Variants in GTF2A1L observed in about 807,000 individuals in gnomAD.
GTF2A1L encodes general transcription factor IIA subunit 1 like.
A neutral mutation model predicts 49.7 loss-of-function variants in GTF2A1L; 48 were observed. The ratio of observed to expected loss-of-function variants is 0.97; its 90% confidence interval spans 0.77 to 1.23. The LOEUF (loss-of-function observed/expected upper bound fraction) is 1.23. Among genes scored for constraint, GTF2A1L ranks in the 50% most tolerant of loss-of-function variants. The probability of loss-of-function intolerance (pLI) is 0.00; values close to 1 mark genes in which losing one functional copy is unlikely to be tolerated. For missense variants in GTF2A1L, 736 were observed against 564.8 expected (o/e 1.30, Z -3.07); for synonymous variants, 246 against 193.5 (o/e 1.27, Z -2.25).
At chr2:48,647,376 T>G (rs914347706) in intron 6 of GTF2A1L, among the ~76,000 whole-genome samples, 1 of 152,126 alleles carries the variant, frequency 6.6e-6, no homozygotes, top group African/African-American at 2.4e-5. Context: ...CATTTCTAAA[T>G]TTTTCATTTC....
chr2:48,656,040 T>G (rs1678150238), intron 6 of GTF2A1L, among the ~76,000 whole-genome samples: 1 of 152,194 alleles, frequency 6.6e-6, no homozygotes, highest in Admixed American at 6.5e-5. Context: ...GAATAATATC[T>G]CATTGTATGT....
intron 6 of GTF2A1L, among the ~76,000 whole-genome samples, chr2:48,661,837 T>C (rs1678518368): frequency 1.3e-5 from 2 of 152,186 alleles, no homozygotes; most frequent in South Asian, 2.1e-4. Context: ...TTGGATCTTG[T>C]TTTTTATCCA....
At position 48,669,729 on chromosome 2, in the gene GTF2A1L, A is replaced by T. The variant is rs1679060634; in HGVS notation, c.986A>T (p.Asn329Ile). 2 of 1,606,820 alleles carry T rather than the reference A, an allele frequency of 1.2e-6. No individual in the cohort carries two copies. The highest frequency in any genetic ancestry group is 3.4e-5 in the Admixed American group (2 of 59,628). The change falls in exon 7 of 9, where the codon AAT becomes ATT. Residue 329 changes from asparagine (N) to isoleucine (I), a missense_variant. Transcript: ENST00000403751. The part of the protein sequence containing the change: ...SNIPVSEKDS[N>I]SQVDLSIRVT... Reference sequence around the variant, plus strand: ...ATTTCTTTCTCTTTTTAGGATTCTAATTCTCAGGTGGATTTAAGCATTCGG... The same window carrying T: ...ATTTCTTTCTCTTTTTAGGATTCTATTTCTCAGGTGGATTTAAGCATTCGG...
chr2:48,623,569 A>G (rs1343673893), intron 3 of GTF2A1L, among the ~76,000 whole-genome samples: 1 of 152,232 alleles, frequency 6.6e-6, no homozygotes, highest in African/African-American at 2.4e-5. Flanking sequence ...CTAGGCATTT[A>G]CCCGAAAGAA....
intron 6 of GTF2A1L, among the ~76,000 whole-genome samples, chr2:48,657,231 T>A (rs1572751569): frequency 6.6e-6 from 1 of 152,166 alleles, no homozygotes; most frequent in East Asian, 1.9e-4. Context: ...CCCAAAACAG[T>A]TCTTCAGCCC....
In GTF2A1L at chr2:48,666,584, G is replaced by GGTGTGT. The variant is rs113492704; in HGVS notation, c.979-3115_979-3110dup. 2.9e-3 allele frequency among the ~76,000 whole-genome samples: 433 copies of GGTGTGT among 147,120 alleles called. 2 individuals are homozygous for GGTGTGT. The highest frequency in any genetic ancestry group is 0.011 in the East Asian group (57 of 4,980). ...ATATAGTTATTAATCAACTTGTCAG[G>GGTGTGT]GTGTGTGTGTGTGTGTGTGTGTGTG... On this transcript the variant is annotated intron_variant, in intron 6 of 8. Transcript: ENST00000403751.
Position 48,621,162 on chromosome 2 carries a change from TGC to T in GTF2A1L, c.124-4_124-3del. On this transcript the variant is annotated splice_region_variant and splice_polypyrimidine_tract_variant and intron_variant, in intron 2 of 8. Coordinates refer to ENST00000403751, the MANE Select transcript of GTF2A1L (RefSeq NM_006872.5). ...TAAAGTAAACTTTTTTTTTCCCCTC[TGC>T]AGCTCTGGGAAACCAAGGTTTTGCA... is the stretch of plus-strand genomic sequence containing the variant. The T allele has an allele frequency of 6.2e-7, 1 of 1,611,652 alleles. No homozygotes were observed. Among genetic ancestry groups the T allele is most frequent in the Admixed American group, 1.7e-5 (1 of 59,484 alleles).
At chr2:48,633,777 T>C (rs1019017230) in intron 3 of GTF2A1L, among the ~76,000 whole-genome samples, 3 of 152,248 alleles carry the variant, frequency 2.0e-5, no homozygotes, top group Admixed American at 1.3e-4. Context: ...ATAAGAGTTT[T>C]GTAGGTCTAG....
intron 6 of GTF2A1L, among the ~76,000 whole-genome samples, chr2:48,656,083 C>G (rs1678153104): frequency 6.6e-6 from 1 of 152,162 alleles, no homozygotes; most frequent in African/African-American, 2.4e-5. Flanking sequence ...ATTCAAGTGT[C>G]TGTGGATACT....
At chr2:48,665,886 T>C (rs1405996918) in intron 6 of GTF2A1L, among the ~76,000 whole-genome samples, 2 of 152,180 alleles carry the variant, frequency 1.3e-5, no homozygotes, top group Non-Finnish European at 2.9e-5. Flanking sequence ...TTCTATTGAC[T>C]ACTGAGAGAG....
chr2:48,630,615 T>G (rs1676516638), intron 3 of GTF2A1L, among the ~76,000 whole-genome samples: 1 of 143,316 alleles, frequency 7.0e-6, no homozygotes, highest in Admixed American at 7.1e-5. Context: ...CTTTTTCTCT[T>G]GAGTGATTGT....
intron 6 of GTF2A1L, among the ~76,000 whole-genome samples, chr2:48,657,057 C>T (rs1678220942): frequency 6.6e-6 from 1 of 152,184 alleles, no homozygotes; most frequent in Admixed American, 6.5e-5. Context: ...CCTGTCTATA[C>T]ATTAATAACA....
rs1210901008 is a variant in GTF2A1L at position 48,620,781 on chromosome 2, ATAAAT to A, written c.22-69_22-65del. 28 of 407,898 alleles carry A rather than the reference ATAAAT, an allele frequency of 6.9e-5. 1 individual carries two copies. Among genetic ancestry groups the A allele is most frequent in the African/African-American group, 3.6e-4 (13 of 35,766 alleles). 25.3% of individuals were successfully genotyped at this position (407,898 alleles called of 1,614,324 possible). ...AACAGAGCATGACTCCATCTCAAGA[ATAAAT>A]AAATAAATAAATAAATAAATAAATA... On this transcript the variant is annotated intron_variant, in intron 1 of 8. Transcript: ENST00000403751.
chr2:48,674,354 T>G (rs1679343398), intron 8 of GTF2A1L, among the ~76,000 whole-genome samples: 1 of 152,336 alleles, frequency 6.6e-6, no homozygotes, highest in African/African-American at 2.4e-5. Context: ...TGATAACTAA[T>G]GCGTATTTAC....
At chr2:48,638,785 C>A (rs574472376) in intron 3 of GTF2A1L, among the ~76,000 whole-genome samples, 1 of 152,196 alleles carries the variant, frequency 6.6e-6, no homozygotes, top group East Asian at 1.9e-4. Flanking sequence ...GTCAAACTGT[C>A]CCTATTTGCA....
At chr2:48,670,936 G>A (rs1679133636) in intron 7 of GTF2A1L, among the ~76,000 whole-genome samples, 2 of 151,964 alleles carry the variant, frequency 1.3e-5, no homozygotes, top group South Asian at 2.1e-4. Context: ...TGATTCTTAT[G>A]CCTCAGCCTC....
chr2:48,617,943 G>A lies in GTF2A1L; in HGVS notation c.21+48G>A, dbSNP rs765335735. On this transcript the variant is annotated intron_variant, in intron 1 of 8. Coordinates refer to ENST00000403751, the MANE Select transcript of GTF2A1L (RefSeq NM_006872.5). ...TGTAGAGGGAGCGCCCTGGGACTCC[G>A]GGTTCACGGCAGCCGAACCCTGCAC... 9.1e-6 allele frequency: 14 copies of A among 1,540,192 alleles called. No individual in the cohort carries two copies. In the South Asian group the frequency reaches 1.3e-4, roughly 14 times the overall value.
intron 6 of GTF2A1L, among the ~76,000 whole-genome samples, chr2:48,665,420 G>T (rs1187243929): frequency 6.6e-6 from 1 of 150,376 alleles, no homozygotes; most frequent in Non-Finnish European, 1.5e-5. Flanking sequence ...TTATGCTATT[G>T]ATTTGAGACG....
intron 8 of GTF2A1L, among the ~76,000 whole-genome samples, chr2:48,673,503 C>G (rs1679287463): frequency 6.6e-6 from 1 of 151,658 alleles, no homozygotes; most frequent in Non-Finnish European, 1.5e-5. Flanking sequence ...GCTGGGACTA[C>G]AGGCGCCTGC....
Sources: gnomAD v4.1 joint callset for allele counts (sites outside exome capture counted in the v4.1 genomes callset) on GRCh38, gnomAD v4.1.1 for gene constraint, MANE v1.5 for transcripts, NCBI Gene and HGNC (gene_info 2026-07-23, HGNC 2026-07-21) for gene names.